The following APOB variants were observed in gnomAD, a reference collection of about 807,000 sequenced individuals.
APOB encodes the protein apolipoprotein B.
In APOB, 153 loss-of-function variants were observed where a neutral mutation model predicts 314.1. That is an observed-to-expected ratio of 0.49 (90% confidence interval 0.43 to 0.56). The LOEUF (loss-of-function observed/expected upper bound fraction) is 0.56. Among genes scored for constraint, APOB ranks in the 20% least tolerant of loss-of-function variants. APOB has a pLI of 0.00. For synonymous variants in APOB, 2,087 were observed against 2,036.4 expected (o/e 1.02, Z -0.67); for missense variants, 5,430 against 5,350.7 (o/e 1.01, Z -0.46).
chr2:21,029,669 C>T lies in APOB; in HGVS notation c.1587G>A (p.Gln529=), dbSNP rs181143364. The T allele has an allele frequency of 3.7e-6, 6 of 1,614,178 alleles. No homozygotes were observed. In the Admixed American group the frequency reaches 8.3e-5, roughly 22 times the overall value. ...PSLMIQKAAI[Q]ALRKMEPKDK... Reference sequence around the variant, plus strand: ...CTTTAGGCTCCATTTTCCGCAGAGCCTGGATGGCAGCTTTCTGGATCATCA... The same window carrying T: ...CTTTAGGCTCCATTTTCCGCAGAGCTTGGATGGCAGCTTTCTGGATCATCA... The change falls in exon 12 of 29, where the codon CAG becomes CAA. Residue 529 remains glutamine (Q), a synonymous_variant. Transcript: ENST00000233242.
intron 2 of APOB, among the ~76,000 whole-genome samples, chr2:21,042,954 T>C (rs888078810): frequency 1.3e-5 from 2 of 150,294 alleles, no homozygotes; most frequent in East Asian, 2.0e-4. Context: ...TCCACTGTAG[T>C]TGAGAGGAAT....
chr2:21,033,994 G>A (rs1663942067), intron 8 of APOB, among the ~76,000 whole-genome samples: 1 of 152,226 alleles, frequency 6.6e-6, no homozygotes, highest in Non-Finnish European at 1.5e-5. Context: ...GTGAGGAGGT[G>A]CTACTGTTGA....
chr2:21,010,338 T>G lies in APOB; in HGVS notation c.6530A>C (p.Tyr2177Ser), dbSNP rs1199919734. 1.3e-6 allele frequency: 2 copies of G among 1,567,470 alleles called. No homozygotes were observed. Among genetic ancestry groups the G allele is most frequent in the Non-Finnish European group, 1.7e-6 (2 of 1,156,028 alleles). The change falls in exon 26 of 29, where the codon TAT becomes TCT. Residue 2177 changes from tyrosine to serine, a missense_variant. This residue lies in a region of APOB where 3,281 missense variants were observed against 3,171.0 expected (regional missense o/e 1.03). Transcript: ENST00000233242. Reference protein sequence around the residue: ...FNEKLSQLQTYMIQFDQYIKD... With the variant: ...FNEKLSQLQTSMIQFDQYIKD... The stretch of plus-strand genomic sequence containing the variant: ...AATATACTGATCAAATTGTATCATA[T>G]ATGTCTGCAGTTGAGATAGTTTTTC...
rs752011849 is a variant in APOB at position 21,009,717 on chromosome 2, A to G, written c.7151T>C (p.Val2384Ala). Residue 2384 changes from valine to alanine, a missense_variant, in exon 26 of 29, where the codon GTT (valine) becomes GCT (alanine). Physicochemically the swap from Val to Ala is moderately conservative, Grantham distance 64 (BLOSUM62 0). This residue lies in a region of APOB where 3,281 missense variants were observed against 3,171.0 expected (regional missense o/e 1.03). Coordinates refer to ENST00000233242, the MANE Select transcript of APOB (RefSeq NM_000384.3). Reference sequence around the variant, plus strand: ...TTTCTCAAAGTAATCTTTTATCTTAACTTGTTGTAGGACATTGCTTAGCTT... The same window carrying G: ...TTTCTCAAAGTAATCTTTTATCTTAGCTTGTTGTAGGACATTGCTTAGCTT... ...IQKLSNVLQQ[V>A]KIKDYFEKLV... 3 of 1,613,662 alleles carry G rather than the reference A, an allele frequency of 1.9e-6. No homozygotes were observed. Among genetic ancestry groups the G allele is most frequent in the Non-Finnish European group, 2.5e-6 (3 of 1,179,852 alleles).
chr2:21,015,522 T>A lies in APOB; in HGVS notation c.3356A>T (p.Lys1119Ile). Residue 1119 changes from lysine (K) to isoleucine (I), a missense_variant, in exon 22 of 29, where the codon AAA becomes ATA. Lys to Ile is a moderately radical substitution (Grantham distance 102). Coordinates refer to ENST00000233242, the MANE Select transcript of APOB (RefSeq NM_000384.3). ...HLSCDTKEERKIKGVISIPRL... is the reference protein window; with the variant it reads ...HLSCDTKEERIIKGVISIPRL... ...GGGTATGGAAATAACACCCTTGATT[T>A]TTCTTTCTTCCTTTGTGTCACAACT... is the stretch of plus-strand genomic sequence containing the variant. 2 of 1,613,686 alleles carry A rather than the reference T, an allele frequency of 1.2e-6. No homozygotes were observed. Among genetic ancestry groups the A allele is most frequent in the Non-Finnish European group, 8.5e-7 (1 of 1,180,040 alleles).
intron 15 of APOB, among the ~76,000 whole-genome samples, chr2:21,026,244 A>G (rs1572794739): frequency 1.3e-5 from 2 of 151,882 alleles, no homozygotes; most frequent in African/African-American, 4.8e-5. Context: ...CTATGCCCAG[A>G]GTTCATACTT....
chr2:21,030,299 A>C (rs980903977), intron 10 of APOB, among the ~76,000 whole-genome samples: 2 of 152,228 alleles, frequency 1.3e-5, no homozygotes, highest in Non-Finnish European at 2.9e-5. Context: ...ATAAAGTCAC[A>C]TACTTACAGT....
intron 28 of APOB, 37 bp from the exon 29 acceptor site, chr2:21,003,371 A>T: frequency 6.5e-7 from 1 of 1,547,662 alleles, no homozygotes; most frequent in South Asian, 1.1e-5. Flanking sequence ...CATGTTTTCA[A>T]TTACTCCAAT....
At chr2:21,019,488 C>G (rs568211594) in intron 19 of APOB, among the ~76,000 whole-genome samples, 70 of 152,286 alleles carry the variant, frequency 4.6e-4, no homozygotes, top group African/African-American at 1.7e-3. Context: ...AACATGGACA[C>G]TGAATTAGGA....
intron 17 of APOB, 80 bp downstream of exon 17, chr2:21,023,444 AT>A: frequency 6.6e-7 from 1 of 1,524,274 alleles, no homozygotes; most frequent in African/African-American, 1.4e-5. Context: ...GTGGAAACAC[AT>A]TTTTAAATAT....
chr2:21,035,763 A>G, intron 6 of APOB, 55 bp from the exon 7 acceptor site: 3 of 1,594,004 alleles, frequency 1.9e-6, no homozygotes, highest in Non-Finnish European at 2.6e-6. Flanking sequence ...CTTCTGTTAA[A>G]AGCATTTACC....
chr2:21,012,340 T>G lies in APOB; in HGVS notation c.4528A>C (p.Asn1510His), dbSNP rs762864976. ...GACTCTCCATTGAGCCGGCCAGTGTTAGGATCCCTCTGACAAGACAGGCCA... is the reference window on the plus strand; with the variant it reads ...GACTCTCCATTGAGCCGGCCAGTGTGAGGATCCCTCTGACAAGACAGGCCA... Reference protein sequence around the residue: ...TYGLSCQRDPNTGRLNGESNL... With the variant: ...TYGLSCQRDPHTGRLNGESNL... The change falls in exon 26 of 29, where the codon AAC (asparagine) becomes CAC (histidine). Residue 1510 changes from asparagine to histidine, a missense_variant. Physicochemically the swap from Asn to His is moderately conservative, Grantham distance 68. Around this residue, in one of 3 missense-constraint regions of APOB, gnomAD observed 2,085 missense variants for 2,079.7 expected, o/e 1.00. Coordinates refer to ENST00000233242, the MANE Select transcript of APOB (RefSeq NM_000384.3). 1 of 1,614,066 alleles carries G rather than the reference T, an allele frequency of 6.2e-7. No individual in the cohort carries two copies. Among genetic ancestry groups the G allele is most frequent in the African/African-American group, 1.3e-5 (1 of 74,928 alleles).
At position 21,019,087 on chromosome 2, in the gene APOB, C is replaced by T. The variant is rs1477521110; in HGVS notation, c.3026G>A (p.Gly1009Glu). The change falls in exon 20 of 29, where the codon GGA becomes GAA. Residue 1009 changes from glycine to glutamate, a missense_variant. This residue lies in a region of APOB where 2,085 missense variants were observed against 2,079.7 expected (regional missense o/e 1.00). Coordinates refer to ENST00000233242, the MANE Select transcript of APOB (RefSeq NM_000384.3). The stretch of plus-strand genomic sequence containing the variant: ...GCTGACAGAATACTGCTCAATCTCT[C>T]CTGTAGGCCTCAGTTCCAGCTCTAA... Reference protein sequence around the residue: ...TRLELELRPTGEIEQYSVSAT... With the variant: ...TRLELELRPTEEIEQYSVSAT... 1 of 1,613,918 alleles carries T rather than the reference C, an allele frequency of 6.2e-7. No homozygotes were observed. The highest frequency in any genetic ancestry group is 1.3e-5 in the African/African-American group (1 of 74,868).
Position 21,043,509 on chromosome 2 carries a change from T to C in APOB, c.121+4A>G, listed in dbSNP as rs1291242236. ...CTTCCACGCCCCATGCGCAGATGCC[T>C]TACTTGGACAGACCAGGCTGACATT... On this transcript the variant is annotated splice_donor_region_variant and intron_variant, in intron 2 of 28. Coordinates refer to ENST00000233242, the MANE Select transcript of APOB (RefSeq NM_000384.3). 3 of 1,603,144 alleles carry C rather than the reference T, an allele frequency of 1.9e-6. No homozygotes were observed. Among genetic ancestry groups the C allele is most frequent in the South Asian group, 1.1e-5 (1 of 88,668 alleles).
rs374558307 is a variant in APOB at position 21,013,296 on chromosome 2, C to T, written c.4080G>A (p.Thr1360=). Residue 1360 remains threonine, a synonymous_variant, in exon 25 of 29, where the codon ACG becomes ACA. Coordinates refer to ENST00000233242, the MANE Select transcript of APOB (RefSeq NM_000384.3). ...VPLLGVLDLS[T]NVYSNLYNWS... is the part of the protein sequence containing the mutation. The stretch of plus-strand genomic sequence containing the variant: ...AGTTGTACAAGTTGCTGTAGACATT[C>T]GTGGAGAGGTCTAGAACACCCAGGA... 1.2e-5 allele frequency: 19 copies of T among 1,614,032 alleles called. No homozygotes were observed. Among genetic ancestry groups the T allele is most frequent in the East Asian group, 6.7e-5 (3 of 44,884 alleles).
At position 21,043,933 on chromosome 2, in the gene APOB, T is replaced by C; in HGVS notation, c.13A>G (p.Arg5Gly). 1 of 1,361,196 alleles carries C rather than the reference T, an allele frequency of 7.3e-7. No homozygotes were observed. 84.3% of individuals were successfully genotyped at this position (1,361,196 alleles called of 1,614,324 possible). Residue 5 changes from arginine (R) to glycine (G), a missense_variant, in exon 1 of 29, where the codon AGG becomes GGG. This residue lies in a region of APOB where 2,085 missense variants were observed against 2,079.7 expected (regional missense o/e 1.00). Transcript: ENST00000233242. Reference protein sequence around the residue: MDPPRPALLALLALP... With the variant: MDPPGPALLALLALP... The stretch of plus-strand genomic sequence containing the variant: ...GCCAGCAGCGCCAGCAGCGCGGGCC[T>C]CGGCGGGTCCATCGCCAGCTGCGGT...
chr2:21,004,638 G>A lies in APOB; in HGVS notation c.11826C>T (p.Ala3942=), dbSNP rs775360043. 3 of 1,613,830 alleles carry A rather than the reference G, an allele frequency of 1.9e-6. No homozygotes were observed. The highest frequency in any genetic ancestry group is 1.1e-5 in the South Asian group (1 of 91,070). Residue 3942 remains alanine (A), a synonymous_variant, in exon 27 of 29, where the codon GCC becomes GCT. Transcript: ENST00000233242. ...GTHKIEDGTL[A]SKTKGTFAHR... is the part of the protein sequence containing the mutation. ...GTGCAAATGTTCCTTTAGTCTTAGA[G>A]GCTAACGTACCATCTTCGATTTTGT... is the stretch of plus-strand genomic sequence containing the variant.
At position 21,019,863 on chromosome 2, in the gene APOB, G is replaced by T. The variant is rs768065871; in HGVS notation, c.2859C>A (p.Ile953=). ...ACTGCCTGTTCTCAATGAGAGGTGGGATCACCTCCGTTTTGGTGGTAGAGA... is the reference window on the plus strand; with the variant it reads ...ACTGCCTGTTCTCAATGAGAGGTGGTATCACCTCCGTTTTGGTGGTAGAGA... ...HLVSTTKTEV[I]PPLIENRQSW... Residue 953 remains isoleucine (I), a synonymous_variant, in exon 19 of 29, where the codon ATC becomes ATA. Coordinates refer to ENST00000233242, the MANE Select transcript of APOB (RefSeq NM_000384.3). 1.2e-6 allele frequency: 2 copies of T among 1,614,146 alleles called. No homozygotes were observed.
At position 21,029,785 on chromosome 2, in the gene APOB, C is replaced by A. The variant is rs775057058; in HGVS notation, c.1471G>T (p.Val491Phe). Residue 491 changes from valine to phenylalanine, a missense_variant and splice_region_variant, in exon 12 of 29, where the codon GTC becomes TTC. Physicochemically the swap from Val to Phe is conservative, Grantham distance 50. Around this residue, in one of 3 missense-constraint regions of APOB, gnomAD observed 2,085 missense variants for 2,079.7 expected, o/e 1.00. Coordinates refer to ENST00000233242, the MANE Select transcript of APOB (RefSeq NM_000384.3). ...ATGGTTTGGCCCATATTTCCAATGA[C>A]CTGCATTGAAGAAAAGAAACAAGAA... ...DEDYTYLILRVIGNMGQTMEQ... is the reference protein window; with the variant it reads ...DEDYTYLILRFIGNMGQTMEQ... The A allele has an allele frequency of 5.0e-6, 8 of 1,614,002 alleles. No individual in the cohort carries two copies. Among genetic ancestry groups the A allele is most frequent in the Non-Finnish European group, 6.8e-6 (8 of 1,180,022 alleles).
Sources: gnomAD v4.1 joint callset for allele counts (sites outside exome capture counted in the v4.1 genomes callset) on GRCh38, gnomAD v4.1.1 for gene constraint, gnomAD v4.1.1 regional missense constraint, MANE v1.5 for transcripts, NCBI Gene and HGNC (gene_info 2026-07-23, HGNC 2026-07-21) for gene names.